Variants in EML4 observed in about 807,000 individuals in gnomAD.
EML4 encodes echinoderm microtubule-associated protein-like 4.
EML4 carries 72 observed loss-of-function variants against 129.0 expected under a neutral mutation model. That is an observed-to-expected ratio of 0.56 (90% CI 0.46 to 0.68). The LOEUF is 0.68. Among genes scored for constraint, EML4 ranks in the 30% least tolerant of loss-of-function variants. The probability of loss-of-function intolerance (pLI) is 0.00; values close to 1 mark genes in which losing one functional copy is unlikely to be tolerated. For synonymous variants in EML4, 532 were observed against 405.0 expected (o/e 1.31, Z -3.77); for missense variants, 1,363 against 1,190.6 (o/e 1.14, Z -2.13).
chr2:42,228,497 A>G (rs1374884682), intron 1 of EML4, among the ~76,000 whole-genome samples: 3 of 152,194 alleles, frequency 2.0e-5, no homozygotes, highest in African/African-American at 4.8e-5. Flanking sequence ...TTAGTATTCA[A>G]TACTTATATC....
intron 1 of EML4, among the ~76,000 whole-genome samples, chr2:42,215,121 G>A (rs770395376): frequency 2.6e-5 from 4 of 152,100 alleles, no homozygotes; most frequent in East Asian, 3.8e-4. Context: ...ATGCAGTGGC[G>A]TGATTATGGC....
chr2:42,315,112 C>T (rs1306412662), intron 17 of EML4, among the ~76,000 whole-genome samples: 1 of 152,170 alleles, frequency 6.6e-6, no homozygotes, highest in African/African-American at 2.4e-5. Context: ...TCATATTGTC[C>T]ATGGTTTTTC....
Position 42,295,270 on chromosome 2 carries a change from G to T in EML4, c.1353+11G>T, listed in dbSNP as rs1667878104. 6.2e-7 allele frequency: 1 copy of T among 1,612,498 alleles called. No individual in the cohort carries two copies. On this transcript the variant is annotated intron_variant, in intron 12 of 22. Coordinates refer to ENST00000318522, the MANE Select transcript of EML4 (RefSeq NM_019063.5). ...CAGGGAATTTTTGGGGTAAGAATCA[G>T]ATTGTTTTAATGTCATTAGGTGTAT...
intron 11 of EML4, among the ~76,000 whole-genome samples, chr2:42,294,070 G>T (rs917844640): frequency 1.3e-5 from 2 of 152,192 alleles, no homozygotes; most frequent in Non-Finnish European, 2.9e-5. Flanking sequence ...TTGAGTAGAT[G>T]ATTTTACTAT....
chr2:42,186,441 CAGATA>C (rs1398633231), intron 1 of EML4, among the ~76,000 whole-genome samples: 1 of 151,982 alleles, frequency 6.6e-6, no homozygotes, highest in Non-Finnish European at 1.5e-5. Flanking sequence ...TGAAAAACAA[CAGATA>C]AGATAAAGAC....
chr2:42,169,906 C>A, intron 1 of EML4: 1 of 387,136 alleles, frequency 2.6e-6, no homozygotes, highest in Non-Finnish European at 4.7e-6. Flanking sequence ...GGAACCCCTT[C>A]CTTCTCAGGC....
intron 1 of EML4, among the ~76,000 whole-genome samples, chr2:42,222,199 T>G (rs1034107914): frequency 6.6e-6 from 1 of 152,124 alleles, no homozygotes; most frequent in Non-Finnish European, 1.5e-5. Flanking sequence ...TAAAATTATT[T>G]TATATATTTT....
intron 1 of EML4, 58 bp from the exon 2 acceptor site, chr2:42,245,447 G>T: frequency 6.9e-7 from 1 of 1,458,176 alleles, no homozygotes; most frequent in Non-Finnish European, 9.3e-7. Flanking sequence ...TTTCTAATCA[G>T]AAATTACTTC....
rs1470025125 is a variant in EML4 at position 42,169,418 on chromosome 2, G to T, written c.-194G>T. The T allele has an allele frequency of 2.0e-6, 1 of 489,238 alleles. No homozygotes were observed. Among genetic ancestry groups the T allele is most frequent in the East Asian group, 3.6e-5 (1 of 27,600 alleles). The allele number at this position is 489,238 out of a possible 1,614,324, so 30.3% of individuals were successfully genotyped here. A position where few individuals can be genotyped will look rare whatever the true frequency, so the allele number is the denominator to read the frequency against. The stretch of plus-strand genomic sequence containing the variant: ...GCGGCTGAGCGGCGCGGCTCTCAAC[G>T]TGACGGGGAAGTGGTTCGGGCGGCC... On this transcript the variant is annotated 5_prime_UTR_variant, in exon 1 of 23. Transcript: ENST00000318522.
intron 11 of EML4, among the ~76,000 whole-genome samples, chr2:42,294,105 T>A (rs1667811841): frequency 6.6e-6 from 1 of 152,268 alleles, no homozygotes; most frequent in African/African-American, 2.4e-5. Context: ...GTGAGAATTA[T>A]GATTTACTGA....
chr2:42,329,730 A>T lies in EML4; in HGVS notation c.2473-4A>T. 6.2e-7 allele frequency: 1 copy of T among 1,610,414 alleles called. No homozygotes were observed. ...TTCCTGTCTGTCTGATTTATTTCAT[A>T]TAGGCTCCCAGTCACAAGTACAGTG... On this transcript the variant is annotated splice_region_variant and splice_polypyrimidine_tract_variant and intron_variant, in intron 22 of 22. Coordinates refer to ENST00000318522, the MANE Select transcript of EML4 (RefSeq NM_019063.5).
At chr2:42,227,087 C>T (rs1213671969) in intron 1 of EML4, among the ~76,000 whole-genome samples, 1 of 152,042 alleles carries the variant, frequency 6.6e-6, no homozygotes, top group African/African-American at 2.4e-5. Context: ...GTTTTATGTG[C>T]ATGTGAAATG....
intron 19 of EML4, chr2:42,319,490 T>A (rs1396285116): frequency 1.3e-5 from 2 of 152,252 alleles, no homozygotes; most frequent in African/African-American, 4.8e-5. Flanking sequence ...AAGGTTCAAC[T>A]ATTCTGCGTT....
intron 1 of EML4, among the ~76,000 whole-genome samples, chr2:42,244,088 G>GT (rs1165258571): frequency 1.3e-3 from 84 of 63,034 alleles, no homozygotes; most frequent in African/African-American, 3.5e-3. Context: ...TTTGTTTTTT[G>GT]TTTTTGTTTT....
chr2:42,224,436 C>G (rs1273724956), intron 1 of EML4, among the ~76,000 whole-genome samples: 2 of 152,110 alleles, frequency 1.3e-5, no homozygotes, highest in Non-Finnish European at 2.9e-5. Context: ...CGTGTGAGCA[C>G]ATAACTGTTC....
At chr2:42,268,253 A>G (rs190704371) in intron 6 of EML4, among the ~76,000 whole-genome samples, 4 of 152,308 alleles carry the variant, frequency 2.6e-5, no homozygotes, top group Admixed American at 6.5e-5. Flanking sequence ...AAACAATACA[A>G]TATAACAACT....
At chr2:42,169,698 C>A in intron 1 of EML4, 62 bp downstream of exon 1, 1 of 1,572,310 alleles carries the variant, frequency 6.4e-7, no homozygotes, top group Non-Finnish European at 8.6e-7. Context: ...TCCTTCCGCA[C>A]ACAGCCCAGG....
intron 1 of EML4, among the ~76,000 whole-genome samples, chr2:42,202,753 CA>C (rs1288398257): frequency 2.6e-5 from 4 of 152,156 alleles, no homozygotes; most frequent in Non-Finnish European, 5.9e-5. Context: ...CTGCCTTTCC[CA>C]ATCCATTGAC....
chr2:42,213,211 T>G (rs1377522250), intron 1 of EML4, among the ~76,000 whole-genome samples: 3 of 152,154 alleles, frequency 2.0e-5, no homozygotes, highest in African/African-American at 7.2e-5. Flanking sequence ...CACAAAACAT[T>G]ACCAGAATCC....
Sources: gnomAD v4.1 joint callset for allele counts (sites outside exome capture counted in the v4.1 genomes callset) on GRCh38, gnomAD v4.1.1 for gene constraint, MANE v1.5 for transcripts, NCBI Gene and HGNC (gene_info 2026-07-23, HGNC 2026-07-21) for gene names.